GALNT13: variants seen among roughly 807,000 people sequenced by gnomAD.
GALNT13 encodes the protein UDP-GalNAc:polypeptide N-acetylgalactosaminyltransferase 13.
A neutral mutation model predicts 64.2 loss-of-function variants in GALNT13; 28 were observed. The ratio of observed to expected loss-of-function variants is 0.44; its 90% CI spans 0.32 to 0.60. The LOEUF (loss-of-function observed/expected upper bound fraction) is 0.60. Ranked by LOEUF, GALNT13 falls within the 20% of genes least tolerant of loss-of-function variation. The probability of loss-of-function intolerance (pLI) is 0.05; values close to 1 mark genes in which losing one functional copy is unlikely to be tolerated. For missense variants in GALNT13, 577 were observed against 669.8 expected (o/e 0.86, Z 1.53); for synonymous variants, 214 against 224.6 (o/e 0.95, Z 0.42).
At chr2:153,284,726 G>A in the GALNT13 span, among the ~76,000 whole-genome samples, 1 of 151,992 alleles carries the variant, frequency 6.6e-6, no homozygotes, top group African/African-American at 2.4e-5. Context: ...TTTCATGATG[G>A]GTGTTTGCCT....
chr2:153,521,793 T>C, the GALNT13 span, among the ~76,000 whole-genome samples: 3 of 152,190 alleles, frequency 2.0e-5, no homozygotes, highest in Non-Finnish European at 2.9e-5. Flanking sequence ...TTATATAGTA[T>C]GTAGCCTTTT....
intron 6 of GALNT13, among the ~76,000 whole-genome samples, chr2:154,243,503 G>C (rs16836327): frequency 0.028 from 4,282 of 152,034 alleles, 203 homozygotes; most frequent in African/African-American, 0.098. Context: ...TAAGAGCACA[G>C]CTATAAGAAT....
chr2:154,087,856 C>A (rs970663387), intron 3 of GALNT13, among the ~76,000 whole-genome samples: 5 of 151,694 alleles, frequency 3.3e-5, no homozygotes, highest in Middle Eastern at 6.8e-3. Flanking sequence ...CTCTCTTTGT[C>A]AAGAAAAGTT....
chr2:153,527,702 C>A, the GALNT13 span, among the ~76,000 whole-genome samples: 1 of 152,074 alleles, frequency 6.6e-6, no homozygotes, highest in Non-Finnish European at 1.5e-5. Flanking sequence ...CAATAAAAAA[C>A]AATAACTACA....
the GALNT13 span, among the ~76,000 whole-genome samples, chr2:153,265,857 T>C: frequency 6.6e-6 from 1 of 152,208 alleles, no homozygotes; most frequent in African/African-American, 2.4e-5. Context: ...GAATATTACA[T>C]AAACTTAGTT....
At chr2:154,113,431 C>T (rs191170149) in intron 3 of GALNT13, among the ~76,000 whole-genome samples, 52 of 152,338 alleles carry the variant, frequency 3.4e-4, no homozygotes, top group Admixed American at 1.3e-3. Context: ...AGCCAAATGA[C>T]GAATGTGTTG....
At chr2:153,255,159 T>A in the GALNT13 span, among the ~76,000 whole-genome samples, 1 of 151,280 alleles carries the variant, frequency 6.6e-6, no homozygotes, top group East Asian at 1.9e-4. Context: ...GCTCCTGTAT[T>A]GGGTGCATAT....
chr2:153,275,039 T>C, the GALNT13 span, among the ~76,000 whole-genome samples: 7 of 152,242 alleles, frequency 4.6e-5, no homozygotes, highest in Non-Finnish European at 7.3e-5. Flanking sequence ...AATTGTAATA[T>C]GTGAATACCT....
intron 3 of GALNT13, among the ~76,000 whole-genome samples, chr2:153,967,480 G>C (rs919221812): frequency 2.6e-5 from 4 of 152,078 alleles, no homozygotes; most frequent in African/African-American, 9.7e-5. Flanking sequence ...GAACACTGTG[G>C]CTCTTCACTT....
chr2:154,196,919 T>G (rs1245659349), intron 4 of GALNT13, among the ~76,000 whole-genome samples: 1 of 152,214 alleles, frequency 6.6e-6, no homozygotes, highest in Non-Finnish European at 1.5e-5. Flanking sequence ...CTAATCTTGA[T>G]TGGTTTTTAC....
chr2:153,556,502 T>C, the GALNT13 span, among the ~76,000 whole-genome samples: 1 of 152,342 alleles, frequency 6.6e-6, no homozygotes, highest in South Asian at 2.1e-4. Context: ...CCTTACTAAT[T>C]CTTAGCACAT....
intron 9 of GALNT13, among the ~76,000 whole-genome samples, chr2:154,308,260 G>A (rs188621961): frequency 2.1e-4 from 32 of 152,188 alleles, no homozygotes; most frequent in Middle Eastern, 3.4e-3. Flanking sequence ...TTACTTTGAA[G>A]GTTAACTCCC....
chr2:153,398,628 G>T, the GALNT13 span, among the ~76,000 whole-genome samples: 35 of 152,230 alleles, frequency 2.3e-4, no homozygotes, highest in Non-Finnish European at 4.6e-4. Flanking sequence ...ACTGGTGTGA[G>T]ATGGTGTCTC....
At chr2:153,407,898 C>A in the GALNT13 span, among the ~76,000 whole-genome samples, 1 of 152,094 alleles carries the variant, frequency 6.6e-6, no homozygotes, top group Non-Finnish European at 1.5e-5. Context: ...AAAGTGGGGT[C>A]TTGCTGTAGT....
At chr2:153,418,836 C>T in the GALNT13 span, among the ~76,000 whole-genome samples, 4 of 151,844 alleles carry the variant, frequency 2.6e-5, no homozygotes, top group South Asian at 2.1e-4. Flanking sequence ...TCAGCCTGGG[C>T]GATAGAGCCA....
At chr2:153,257,036 C>T in the GALNT13 span, among the ~76,000 whole-genome samples, 3 of 152,206 alleles carry the variant, frequency 2.0e-5, no homozygotes, top group African/African-American at 4.8e-5. Flanking sequence ...CAATGGCGGG[C>T]GCCCCTCCGC....
chr2:154,252,519 G>A (rs963011753), intron 7 of GALNT13, among the ~76,000 whole-genome samples: 3 of 148,548 alleles, frequency 2.0e-5, no homozygotes, highest in African/African-American at 5.0e-5. Context: ...ACCATGCCCG[G>A]CTAATTTTTT....
At chr2:154,410,269 A>G (rs1699734415) in intron 11 of GALNT13, among the ~76,000 whole-genome samples, 1 of 151,970 alleles carries the variant, frequency 6.6e-6, no homozygotes, top group Non-Finnish European at 1.5e-5. Context: ...TCAGCTGGAA[A>G]CAACAAAATG....
chr2:153,906,221 ATTTTTCTT>A (rs1429781955), intron 2 of GALNT13, among the ~76,000 whole-genome samples: 9 of 149,860 alleles, frequency 6.0e-5, no homozygotes, highest in Admixed American at 2.7e-4. Flanking sequence ...GTTCAAGCTA[ATTTTTCTT>A]TTTTTCTTTT....
Sources: gnomAD v4.1 joint callset for allele counts (sites outside exome capture counted in the v4.1 genomes callset) on GRCh38, gnomAD v4.1.1 for gene constraint, MANE v1.5 for transcripts, NCBI Gene and HGNC (gene_info 2026-07-23, HGNC 2026-07-21) for gene names.